Variants in ADGRL3 observed in about 807,000 individuals in gnomAD.
The protein encoded by ADGRL3 is adhesion G protein-coupled receptor L3.
In ADGRL3, 62 loss-of-function variants were observed where a neutral mutation model predicts 153.5. That is an observed-to-expected ratio of 0.40 (90% CI 0.33 to 0.50). ADGRL3 has a LOEUF of 0.50. Ranked by LOEUF, ADGRL3 falls within the 20% of genes least tolerant of loss-of-function variation. The pLI is 0.47. For synonymous variants in ADGRL3, 710 were observed against 672.5 expected, an observed-to-expected ratio of 1.06 and a Z score of -0.86; for missense variants, 1,641 against 1,859.4, an observed-to-expected ratio of 0.88 and a Z score of 2.16.
rs138628380 is a variant in ADGRL3 at position 61,866,070 on chromosome 4, A to G, written c.1481-26586A>G. On this transcript the variant is annotated intron_variant, in intron 9 of 26. Transcript: ENST00000683033. ...ATCCAGTTGTATACCTTTTCTGTGGATATCACAGACACCTGCAGAAAGTTG... is the reference window on the plus strand; with the variant it reads ...ATCCAGTTGTATACCTTTTCTGTGGGTATCACAGACACCTGCAGAAAGTTG... Among the ~76,000 whole-genome samples, 63 of 152,220 alleles carry G rather than the reference A, an allele frequency of 4.1e-4. 1 individual carries two copies. In the East Asian group the frequency reaches 8.3e-3, roughly 20 times the overall value.
intron 5 of ADGRL3, among the ~76,000 whole-genome samples, chr4:61,636,906 T>TA: frequency 6.6e-6 from 1 of 152,064 alleles, no homozygotes; most frequent in African/African-American, 2.4e-5. Flanking sequence ...ATGGCATATA[T>TA]AAAAGTAAAA....
At chr4:61,386,583 A>G (rs1043760175) in intron 2 of ADGRL3, among the ~76,000 whole-genome samples, 1 of 152,176 alleles carries the variant, frequency 6.6e-6, no homozygotes, top group East Asian at 1.9e-4. Context: ...AATCTTTAGA[A>G]GCCTTATTGG....
chr4:61,594,010 CTGAT>C (rs1328935754), intron 5 of ADGRL3, among the ~76,000 whole-genome samples: 6 of 151,974 alleles, frequency 3.9e-5, no homozygotes, highest in African/African-American at 1.5e-4. Context: ...TTTGTCTCCT[CTGAT>C]TGTGTATTTT....
chr4:61,352,241 T>A (rs1479194428), intron 1 of ADGRL3, among the ~76,000 whole-genome samples: 1 of 152,208 alleles, frequency 6.6e-6, no homozygotes, highest in African/African-American at 2.4e-5. Context: ...GTTACTGAAT[T>A]GCTACAGTCT....
At chr4:61,624,185 C>A (rs988004022) in intron 5 of ADGRL3, among the ~76,000 whole-genome samples, 2 of 151,892 alleles carry the variant, frequency 1.3e-5, no homozygotes, top group African/African-American at 4.8e-5. Context: ...AAATGAATGG[C>A]ATAGTGAAAA....
intron 2 of ADGRL3, among the ~76,000 whole-genome samples, chr4:61,489,545 A>G (rs541354660): frequency 1.3e-5 from 2 of 152,178 alleles, no homozygotes; most frequent in Non-Finnish European, 2.9e-5. Flanking sequence ...CATTCTATCT[A>G]AAAGTGCTGT....
chr4:61,344,528 T>A (rs540558803), intron 1 of ADGRL3, among the ~76,000 whole-genome samples: 3 of 152,176 alleles, frequency 2.0e-5, no homozygotes, highest in African/African-American at 4.8e-5. Context: ...AAAAGAACTT[T>A]CAAATTTAGG....
intron 3 of ADGRL3, among the ~76,000 whole-genome samples, chr4:61,507,468 G>A (rs111276154): frequency 9.9e-5 from 15 of 152,192 alleles, no homozygotes; most frequent in African/African-American, 3.6e-4. Context: ...TAACATAATC[G>A]ATCATTTTGA....
At chr4:61,369,184 A>G (rs1446033057) in intron 1 of ADGRL3, among the ~76,000 whole-genome samples, 2 of 152,176 alleles carry the variant, frequency 1.3e-5, no homozygotes, top group Admixed American at 6.5e-5. Flanking sequence ...AACAGGGACA[A>G]TTTGACTTCC....
At chr4:61,804,943 TTA>T (rs1261434625) in intron 8 of ADGRL3, among the ~76,000 whole-genome samples, 22 of 147,096 alleles carry the variant, frequency 1.5e-4, no homozygotes, top group African/African-American at 5.0e-4. Flanking sequence ...ATTTATTTAT[TTA>T]TTTATTTTTA....
chr4:61,722,613 CA>C (rs1007252904), intron 6 of ADGRL3, among the ~76,000 whole-genome samples: 6 of 151,830 alleles, frequency 4.0e-5, no homozygotes, highest in Admixed American at 3.9e-4. Flanking sequence ...AGAACTGAAA[CA>C]AAAAATAAAA....
At chr4:61,909,150 T>A (rs1234706662) in intron 11 of ADGRL3, among the ~76,000 whole-genome samples, 1 of 152,202 alleles carries the variant, frequency 6.6e-6, no homozygotes, top group African/African-American at 2.4e-5. Flanking sequence ...CACTGTGAAC[T>A]AAGTGCTAAA....
intron 4 of ADGRL3, among the ~76,000 whole-genome samples, chr4:61,548,750 G>A (rs1330992287): frequency 1.3e-5 from 2 of 151,978 alleles, no homozygotes; most frequent in Non-Finnish European, 2.9e-5. Flanking sequence ...GATTGACTTG[G>A]CTATTTGGGC....
chr4:61,378,698 A>G (rs1274354768), intron 1 of ADGRL3, among the ~76,000 whole-genome samples: 1 of 152,010 alleles, frequency 6.6e-6, no homozygotes, highest in East Asian at 1.9e-4. Flanking sequence ...CAAAAATTGT[A>G]TTCATCCTTT....
At chr4:61,845,506 A>G (rs2098105698) in intron 9 of ADGRL3, among the ~76,000 whole-genome samples, 1 of 151,030 alleles carries the variant, frequency 6.6e-6, no homozygotes, top group African/African-American at 2.4e-5. Flanking sequence ...GCATGCCACC[A>G]TGCTTACCTA....
intron 5 of ADGRL3, among the ~76,000 whole-genome samples, chr4:61,656,171 A>G (rs2094437809): frequency 6.6e-6 from 1 of 152,212 alleles, no homozygotes. Context: ...AGTAGACAAT[A>G]ACACATATTT....
chr4:61,448,149 T>C (rs549272467), intron 2 of ADGRL3, among the ~76,000 whole-genome samples: 1 of 152,166 alleles, frequency 6.6e-6, no homozygotes, highest in African/African-American at 2.4e-5. Flanking sequence ...TAGTAATACA[T>C]ATTGGTTGAG....
intron 9 of ADGRL3, among the ~76,000 whole-genome samples, chr4:61,834,288 A>C (rs923334284): frequency 1.4e-4 from 22 of 152,116 alleles, no homozygotes; most frequent in Non-Finnish European, 2.5e-4. Context: ...AAAGGACATG[A>C]ACTCGTCATT....
At chr4:61,490,088 G>T (rs2152775451) in intron 2 of ADGRL3, among the ~76,000 whole-genome samples, 1 of 152,094 alleles carries the variant, frequency 6.6e-6, no homozygotes, top group South Asian at 2.1e-4. Context: ...GCAACACGCT[G>T]CCTTTTTCCA....
Sources: gnomAD v4.1 joint callset for allele counts (sites outside exome capture counted in the v4.1 genomes callset) on GRCh38, gnomAD v4.1.1 for gene constraint, MANE v1.5 for transcripts, NCBI Gene and HGNC (gene_info 2026-07-23, HGNC 2026-07-21) for gene names.